The following PTPN13 variants were observed in gnomAD, a reference collection of about 807,000 sequenced individuals.
The protein encoded by PTPN13 is protein tyrosine phosphatase non-receptor type 13, also known as tyrosine-protein phosphatase non-receptor type 13.
In PTPN13, 191 loss-of-function variants were observed where a neutral mutation model predicts 284.0. The ratio of observed to expected loss-of-function variants is 0.67; its 90% confidence interval spans 0.60 to 0.76. The LOEUF (loss-of-function observed/expected upper bound fraction) is 0.76, where lower values mean the gene tolerates loss of function less well. Among genes scored for constraint, PTPN13 ranks in the 30% least tolerant of loss-of-function variants. The pLI is 0.00. For synonymous variants in PTPN13, 986 were observed against 1,022.3 expected, an observed-to-expected ratio of 0.96 and a Z score of 0.68; for missense variants, 2,797 against 2,939.9, an observed-to-expected ratio of 0.95 and a Z score of 1.12.
chr4:86,688,655 T>C (rs569774146), intron 4 of PTPN13, among the ~76,000 whole-genome samples: 1 of 152,242 alleles, frequency 6.6e-6, no homozygotes, highest in East Asian at 1.9e-4. Flanking sequence ...GGAAACAGTT[T>C]ATTCCCCCAA....
At chr4:86,730,186 C>G (rs1400866532) in intron 10 of PTPN13, among the ~76,000 whole-genome samples, 1 of 149,600 alleles carries the variant, frequency 6.7e-6, no homozygotes, top group East Asian at 1.9e-4. Flanking sequence ...GCTGCCTGAT[C>G]TTTCCTCTGG....
intron 35 of PTPN13, among the ~76,000 whole-genome samples, chr4:86,776,240 C>G (rs1740628339): frequency 6.6e-6 from 1 of 152,264 alleles, no homozygotes; most frequent in Admixed American, 6.5e-5. Context: ...GCCACCCTAC[C>G]TGGCCCGAAA....
At chr4:86,669,563 G>T (rs1727504081) in intron 2 of PTPN13, among the ~76,000 whole-genome samples, 1 of 152,110 alleles carries the variant, frequency 6.6e-6, no homozygotes, top group South Asian at 2.1e-4. Context: ...CCTGGTAAGT[G>T]AATAAATCTC....
chr4:86,677,064 G>A (rs1578395340), intron 3 of PTPN13, among the ~76,000 whole-genome samples: 1 of 151,948 alleles, frequency 6.6e-6, no homozygotes, highest in Non-Finnish European at 1.5e-5. Context: ...TCAGGAGATC[G>A]AGACCATCCT....
At position 86,701,750 on chromosome 4, in the gene PTPN13, C is replaced by CGA; in HGVS notation, c.1151_1152dup (p.Gln385AspfsTer8). On this transcript the variant is annotated frameshift_variant, in exon 7 of 48. Transcript: ENST00000411767. LOFTEE classifies it high-confidence loss of function. ...AATATCAAGTGCTTTGGACCGAATC[C>CGA]GAGAGAGACAAAAGAAACTTCAGGT... The CGA allele has an allele frequency of 1.9e-6, 3 of 1,613,324 alleles. No individual in the cohort carries two copies. Among genetic ancestry groups the CGA allele is most frequent in the Non-Finnish European group, 2.5e-6 (3 of 1,179,688 alleles).
In PTPN13 at chr4:86,771,533, C is replaced by G; in HGVS notation, c.5166C>G (p.Asp1722Glu). ...TTCCCAATAAACCAGAGTTTGAGGA[C>G]AGGTATCATCAATATAATGTGAACC... Reference protein sequence around the residue: ...QKIPNKPEFEDSNPSPLPPDM... With the variant: ...QKIPNKPEFEESNPSPLPPDM... Residue 1722 changes from aspartate to glutamate, a missense_variant and splice_region_variant, in exon 31 of 48, where the codon GAC becomes GAG. Transcript: ENST00000411767. 1 of 1,567,856 alleles carries G rather than the reference C, an allele frequency of 6.4e-7. No homozygotes were observed. Among genetic ancestry groups the G allele is most frequent in the Non-Finnish European group, 8.7e-7 (1 of 1,153,588 alleles).
At chr4:86,631,096 A>G (rs1722417184) in intron 1 of PTPN13, among the ~76,000 whole-genome samples, 1 of 152,164 alleles carries the variant, frequency 6.6e-6, no homozygotes, top group African/African-American at 2.4e-5. Flanking sequence ...TAATATGGCT[A>G]TGTTTATTGT....
At position 86,594,336 on chromosome 4, in the gene PTPN13, T is replaced by G. The variant is rs1232628453; in HGVS notation, c.-459T>G. ...GTGCGAGTAGCTCCAGCGGCCACGC[T>G]GAGGCGAGGGTGACACACCATGCTC... On this transcript the variant is annotated 5_prime_UTR_variant, in exon 1 of 48. Transcript: ENST00000411767. The G allele has an allele frequency of 2.0e-5, 3 of 152,342 alleles. No homozygotes were observed. Among genetic ancestry groups the G allele is most frequent in the Non-Finnish European group, 2.9e-5 (2 of 68,130 alleles). 9.4% of individuals were successfully genotyped at this position (152,342 alleles called of 1,614,324 possible). A position where few individuals can be genotyped will look rare whatever the true frequency, so the allele number is the denominator to read the frequency against.
At chr4:86,660,104 A>G (rs995542809) in intron 2 of PTPN13, among the ~76,000 whole-genome samples, 12 of 152,230 alleles carry the variant, frequency 7.9e-5, no homozygotes, top group Non-Finnish European at 1.0e-4. Flanking sequence ...ATGGCTGTAT[A>G]AAACATCAAC....
intron 7 of PTPN13, among the ~76,000 whole-genome samples, chr4:86,708,660 A>T (rs1205662991): frequency 6.6e-6 from 1 of 152,146 alleles, no homozygotes; most frequent in East Asian, 1.9e-4. Flanking sequence ...AATAGGTATC[A>T]TCACATTTTT....
intron 28 of PTPN13, 83 bp from the exon 29 acceptor site, chr4:86,769,686 C>T: frequency 1.1e-6 from 1 of 915,732 alleles, no homozygotes; most frequent in Non-Finnish European, 1.6e-6. Flanking sequence ...TAAAATGTGT[C>T]TAGAAGTATA....
chr4:86,791,293 G>A (rs572411665), intron 40 of PTPN13, among the ~76,000 whole-genome samples: 1 of 152,154 alleles, frequency 6.6e-6, no homozygotes, highest in Non-Finnish European at 1.5e-5. Context: ...ACCAGTGGGG[G>A]GCATCCACCA....
chr4:86,626,996 A>G (rs957323449), intron 1 of PTPN13, among the ~76,000 whole-genome samples: 1 of 152,182 alleles, frequency 6.6e-6, no homozygotes, highest in African/African-American at 2.4e-5. Flanking sequence ...AAAATGTGGT[A>G]TATACATATA....
chr4:86,789,388 G>A (rs1742355578), intron 40 of PTPN13, among the ~76,000 whole-genome samples: 1 of 152,080 alleles, frequency 6.6e-6, no homozygotes, highest in Admixed American at 6.6e-5. Context: ...TGGATCTTAG[G>A]ACTGGCTTTA....
intron 6 of PTPN13, among the ~76,000 whole-genome samples, chr4:86,698,349 T>G (rs1730786308): frequency 6.6e-6 from 1 of 152,162 alleles, no homozygotes; most frequent in Non-Finnish European, 1.5e-5. Context: ...AAGATCAGTT[T>G]TGAGCATGTT....
At chr4:86,711,953 T>C (rs1732470922) in intron 7 of PTPN13, among the ~76,000 whole-genome samples, 1 of 152,184 alleles carries the variant, frequency 6.6e-6, no homozygotes, top group Admixed American at 6.6e-5. Flanking sequence ...TAATATTCTG[T>C]AAGTATGTAG....
chr4:86,729,683 G>C (rs1269699868), intron 10 of PTPN13, among the ~76,000 whole-genome samples: 2 of 149,586 alleles, frequency 1.3e-5, no homozygotes, highest in Non-Finnish European at 3.0e-5. Context: ...ATGGTTTTCT[G>C]CTCCATCAGG....
At chr4:86,716,746 T>C (rs1733067559) in intron 8 of PTPN13, 121 bp downstream of exon 8, 1 of 828,474 alleles carries the variant, frequency 1.2e-6, no homozygotes, top group South Asian at 1.8e-5. Flanking sequence ...AATTGAAAAA[T>C]TTAAAAAAGC....
intron 40 of PTPN13, among the ~76,000 whole-genome samples, chr4:86,791,906 G>A (rs1227814035): frequency 1.3e-5 from 2 of 152,144 alleles, no homozygotes; most frequent in Non-Finnish European, 2.9e-5. Flanking sequence ...GGAGAAACCA[G>A]AGCAGAAAAG....
Sources: gnomAD v4.1 joint callset for allele counts (sites outside exome capture counted in the v4.1 genomes callset) on GRCh38, gnomAD v4.1.1 for gene constraint, MANE v1.5 for transcripts, NCBI Gene and HGNC (gene_info 2026-07-23, HGNC 2026-07-21) for gene names.